PRR5: variants seen among roughly 807,000 people sequenced by gnomAD.
PRR5 encodes the protein proline-rich protein 5.
In PRR5, 25 loss-of-function variants were observed where a neutral mutation model predicts 30.6. The ratio of observed to expected loss-of-function variants is 0.82; its 90% CI spans 0.60 to 1.14. PRR5 has a LOEUF of 1.14. Among genes scored for constraint, PRR5 ranks in the 50% most tolerant of loss-of-function variants. PRR5 has a pLI of 0.00. For synonymous variants in PRR5, 286 were observed against 247.1 expected (o/e 1.16, Z -1.48); for missense variants, 600 against 547.1 (o/e 1.10, Z -0.96).
At chr22:44,683,766 T>G (rs1924496489) in intron 1 of PRR5, among the ~76,000 whole-genome samples, 1 of 152,172 alleles carries the variant, frequency 6.6e-6, no homozygotes, top group Non-Finnish European at 1.5e-5. Flanking sequence ...TCCCCATGGC[T>G]CATTAGCTAC....
At chr22:44,721,833 C>G (rs1253187309) in intron 2 of PRR5, among the ~76,000 whole-genome samples, 1 of 152,250 alleles carries the variant, frequency 6.6e-6, no homozygotes, top group East Asian at 1.9e-4. Flanking sequence ...CCCTGACTTG[C>G]TGAGCAGACG....
At chr22:44,685,890 C>A (rs781385046) in intron 1 of PRR5, among the ~76,000 whole-genome samples, 5 of 152,236 alleles carry the variant, frequency 3.3e-5, no homozygotes, top group Non-Finnish European at 7.3e-5. Context: ...GCCCTGTGCC[C>A]AGGGCCCTGG....
chr22:44,732,919 C>T (rs1051291419), intron 6 of PRR5, among the ~76,000 whole-genome samples: 3 of 146,456 alleles, frequency 2.0e-5, no homozygotes, highest in South Asian at 4.4e-4. Flanking sequence ...ACACTACACA[C>T]GTGCGCACGC....
chr22:44,725,323 C>T lies in PRR5; in HGVS notation c.264+31C>T, dbSNP rs1167738541. 3 of 1,610,978 alleles carry T rather than the reference C, an allele frequency of 1.9e-6. No individual in the cohort carries two copies. The African/African-American group carries it at 4.0e-5, about 21-fold the overall frequency. On this transcript the variant is annotated intron_variant, in intron 3 of 7. Transcript: ENST00000336985. Reference sequence around the variant, plus strand: ...TGGGTCTTGCTCCAGCCAGGCTGGGCCTGCCTCATGAGCCAGCCAGAAAGC... The same window carrying T: ...TGGGTCTTGCTCCAGCCAGGCTGGGTCTGCCTCATGAGCCAGCCAGAAAGC...
chr22:44,702,258 G>T lies in PRR5; in HGVS notation c.-217G>T, dbSNP rs1314204214. ...CCGCGCGCCTGGCGCTCCACGCTGA[G>T]CCTCTCCGTGCAATGATTAACCCGG... On this transcript the variant is annotated 5_prime_UTR_variant, in exon 1 of 8. Transcript: ENST00000336985. 2 of 1,139,242 alleles carry T rather than the reference G, an allele frequency of 1.8e-6. No homozygotes were observed. Among genetic ancestry groups the T allele is most frequent in the East Asian group, 4.3e-5 (1 of 23,210 alleles). 70.6% of individuals were successfully genotyped at this position (1,139,242 alleles called of 1,614,324 possible).
rs1930505076 is a variant in PRR5 at position 44,725,274 on chromosome 22, C to T, written c.246C>T (p.Phe82=). The T allele has an allele frequency of 6.2e-7, 1 of 1,613,790 alleles. No homozygotes were observed. The highest frequency in any genetic ancestry group is 8.5e-7 in the Non-Finnish European group (1 of 1,179,970). The change falls in exon 3 of 8, where the codon TTC becomes TTT. Residue 82 remains phenylalanine, a synonymous_variant. Coordinates refer to ENST00000336985, the MANE Select transcript of PRR5 (RefSeq NM_181333.4). ...RQLLKTELGS[F]FTEYLQNQLL... ...TGTTGAAGACAGAGCTGGGGTCCTT[C>T]TTCACGGAGTACCTGCAGGTAGGTG...
At chr22:44,708,315 G>A (rs747066214) in intron 1 of PRR5, among the ~76,000 whole-genome samples, 15 of 152,182 alleles carry the variant, frequency 9.9e-5, no homozygotes, top group Non-Finnish European at 2.1e-4. Flanking sequence ...CTAACATGGG[G>A]CCAGGACATA....
chr22:44,711,280 C>G (rs1928194459), intron 1 of PRR5, among the ~76,000 whole-genome samples: 1 of 152,166 alleles, frequency 6.6e-6, no homozygotes, highest in Non-Finnish European at 1.5e-5. Context: ...AAGTAGCTAG[C>G]TTTCCCACAC....
intron 6 of PRR5, among the ~76,000 whole-genome samples, chr22:44,732,928 G>A (rs551323042): frequency 2.9e-4 from 40 of 139,034 alleles, no homozygotes; most frequent in East Asian, 2.6e-3. Flanking sequence ...ACGTGCGCAC[G>A]CACATACTAC....
At chr22:44,679,807 G>A (rs1924098612) in intron 1 of PRR5, 2 of 1,598,688 alleles carry the variant, frequency 1.3e-6, no homozygotes, top group Non-Finnish European at 1.7e-6. Flanking sequence ...GCCATGGTGT[G>A]TTTGGAACTT....
At chr22:44,715,038 G>A (rs1928846453) in intron 2 of PRR5, among the ~76,000 whole-genome samples, 1 of 152,216 alleles carries the variant, frequency 6.6e-6, no homozygotes, top group African/African-American at 2.4e-5. Flanking sequence ...CTGTTAAAGA[G>A]GAAGGACCCA....
intron 1 of PRR5, among the ~76,000 whole-genome samples, chr22:44,690,420 G>A (rs1019641230): frequency 5.9e-5 from 9 of 152,326 alleles, no homozygotes; most frequent in African/African-American, 2.2e-4. Flanking sequence ...CCATGGTGGG[G>A]TTGGGGGGAA....
At chr22:44,689,895 C>T (rs1925092315) in intron 1 of PRR5, among the ~76,000 whole-genome samples, 1 of 152,144 alleles carries the variant, frequency 6.6e-6, no homozygotes, top group South Asian at 2.1e-4. Context: ...GTGATCTGCC[C>T]GCCTCGGCTT....
intron 5 of PRR5, 139 bp from the exon 6 acceptor site, chr22:44,732,112 G>T (rs370997483): frequency 1.5e-6 from 2 of 1,361,260 alleles, no homozygotes; most frequent in East Asian, 2.4e-5. Flanking sequence ...TCCTTGGGAC[G>T]GGGTCATCTG....
At chr22:44,690,855 G>A (rs1261687853) in intron 1 of PRR5, among the ~76,000 whole-genome samples, 3 of 151,954 alleles carry the variant, frequency 2.0e-5, no homozygotes, top group Non-Finnish European at 4.4e-5. Flanking sequence ...GGGGGGTGGC[G>A]GGAGAGGGGC....
chr22:44,714,136 C>G (rs1928694676), intron 1 of PRR5, among the ~76,000 whole-genome samples: 1 of 152,118 alleles, frequency 6.6e-6, no homozygotes, highest in Non-Finnish European at 1.5e-5. Context: ...GGGCAGGAAG[C>G]ATGAGGGGGT....
At chr22:44,679,911 C>T (rs747610813) in intron 1 of PRR5, 58 of 1,556,072 alleles carry the variant, frequency 3.7e-5, no homozygotes, top group Non-Finnish European at 4.9e-5. Flanking sequence ...AGGGTGGCTA[C>T]GAGGGAGGCA....
Position 44,714,661 on chromosome 22 carries a change from G to C in PRR5, c.205G>C (p.Glu69Gln). 6.2e-7 allele frequency: 1 copy of C among 1,613,842 alleles called. No individual in the cohort carries two copies. Among genetic ancestry groups the C allele is most frequent in the Non-Finnish European group, 8.5e-7 (1 of 1,179,974 alleles). Reference protein sequence around the residue: ...LPDQELFSLNEGVRQLLKTEL... With the variant: ...LPDQELFSLNQGVRQLLKTEL... ...CGACCAGGAGCTCTTCAGCCTCAACGAGGGCGTCCGGTGAGTGCCTGTCCC... is the reference window on the plus strand; with the variant it reads ...CGACCAGGAGCTCTTCAGCCTCAACCAGGGCGTCCGGTGAGTGCCTGTCCC... Residue 69 changes from glutamate (E) to glutamine (Q), a missense_variant, in exon 2 of 8, where the codon GAG (glutamate) becomes CAG (glutamine). Transcript: ENST00000336985.
At chr22:44,684,056 C>G (rs1450670300) in intron 1 of PRR5, among the ~76,000 whole-genome samples, 2 of 152,124 alleles carry the variant, frequency 1.3e-5, no homozygotes, top group Non-Finnish European at 2.9e-5. Context: ...ACCAGGACTT[C>G]CAGAATTGAT....
Sources: gnomAD v4.1 joint callset for allele counts (sites outside exome capture counted in the v4.1 genomes callset) on GRCh38, gnomAD v4.1.1 for gene constraint, MANE v1.5 for transcripts, NCBI Gene and HGNC (gene_info 2026-07-23, HGNC 2026-07-21) for gene names.